RAB32: variants seen among roughly 807,000 people sequenced by gnomAD.
RAB32 encodes the protein ras-related protein Rab-32.
A neutral mutation model predicts 17.5 loss-of-function variants in RAB32; 17 were observed. The observed-to-expected ratio is 0.97, with a 90% CI of 0.67 to 1.46. RAB32 has a LOEUF of 1.46. Ranked by LOEUF, RAB32 falls within the 40% of genes most tolerant of loss-of-function variation. The pLI, the probability that RAB32 is intolerant of heterozygous loss-of-function variation, is 0.00. For synonymous variants in RAB32, 115 were observed against 111.1 expected (o/e 1.04, Z -0.22); for missense variants, 288 against 284.3 (o/e 1.01, Z -0.09).
At position 146,554,682 on chromosome 6, in the gene RAB32, G is replaced by T; in HGVS notation, c.*77G>T. The T allele has an allele frequency of 1.3e-6, 2 of 1,482,478 alleles. No individual in the cohort carries two copies. Among genetic ancestry groups the T allele is most frequent in the Admixed American group, 4.6e-5 (2 of 43,686 alleles). The allele number at this position is 1,482,478 out of a possible 1,614,324, so 91.8% of individuals were successfully genotyped here. On this transcript the variant is annotated 3_prime_UTR_variant, in exon 3 of 3. Transcript: ENST00000367495. ...AGAATGGGTTACAGATGTCATGTTA[G>T]CTGGGAGTCTTCCCACATGTGGCAC...
chr6:146,551,082 T>C (rs1474591018), intron 2 of RAB32, among the ~76,000 whole-genome samples: 3 of 152,058 alleles, frequency 2.0e-5, no homozygotes, highest in African/African-American at 7.2e-5. Flanking sequence ...AATGAGAGAC[T>C]GCACAAAAGG....
intron 2 of RAB32, among the ~76,000 whole-genome samples, chr6:146,553,362 A>G (rs906388254): frequency 9.9e-5 from 15 of 152,216 alleles, no homozygotes; most frequent in African/African-American, 3.6e-4. Flanking sequence ...GAAACATGGC[A>G]AAAACAACTT....
At position 146,546,782 on chromosome 6, in the gene RAB32, GT is replaced by G. The variant is rs962778741; in HGVS notation, c.251-2660del. 7.7e-3 allele frequency among the ~76,000 whole-genome samples: 916 copies of G among 118,466 alleles called. 7 individuals are homozygous for G. The highest frequency in any genetic ancestry group is 0.027 in the Middle Eastern group (6 of 222). The allele number at this position is 118,466 out of a possible 152,430, so 77.7% of individuals were successfully genotyped here. ...AAGGTGTGGTGTTTTTACTAGTTAG[GT>G]TTTTTTTTTTTTTTTTTTTTTGGTT... is the stretch of plus-strand genomic sequence containing the variant. On this transcript the variant is annotated intron_variant, in intron 1 of 2. Coordinates refer to ENST00000367495, the MANE Select transcript of RAB32 (RefSeq NM_006834.5).
rs1305510859 is a variant in RAB32 at position 146,550,728 on chromosome 6, G to T, written c.528+987G>T. On this transcript the variant is annotated intron_variant, in intron 2 of 2. Transcript: ENST00000367495. ...ATTATACATATATAAAATGTTTGGGGGGGGGGTTACGTGCATTGGAACTTT... is the reference window on the plus strand; with the variant it reads ...ATTATACATATATAAAATGTTTGGGTGGGGGGTTACGTGCATTGGAACTTT... Among the ~76,000 whole-genome samples the T allele has an allele frequency of 1.3e-5, 2 of 149,150 alleles. 1 individual carries two copies. The highest frequency in any genetic ancestry group is 5.0e-5 in the African/African-American group (2 of 40,240).
At position 146,544,032 on chromosome 6, in the gene RAB32, A is replaced by G. The variant is rs1437995748; in HGVS notation, c.161A>G (p.Tyr54Cys). Residue 54 changes from tyrosine to cysteine, a missense_variant, in exon 1 of 3, where the codon TAC becomes TGC. Transcript: ENST00000367495. ...GTCCACCAGCTCTTCTCCCAGCACTACCGGGCCACCATCGGGGTGGACTTC... is the reference window on the plus strand; with the variant it reads ...GTCCACCAGCTCTTCTCCCAGCACTGCCGGGCCACCATCGGGGTGGACTTC... ...RYVHQLFSQH[Y>C]RATIGVDFAL... 9 of 1,613,654 alleles carry G rather than the reference A, an allele frequency of 5.6e-6. No homozygotes were observed. The highest frequency in any genetic ancestry group is 1.1e-5 in the South Asian group (1 of 91,080).
chr6:146,544,201 C>G lies in RAB32; in HGVS notation c.250+80C>G, dbSNP rs999464716. 19 of 1,467,566 alleles carry G rather than the reference C, an allele frequency of 1.3e-5. No individual in the cohort carries two copies. The Admixed American group carries it at 4.4e-4, about 34-fold the overall frequency. 90.9% of individuals were successfully genotyped at this position (1,467,566 alleles called of 1,614,324 possible). A position where few individuals can be genotyped will look rare whatever the true frequency, so the allele number is the denominator to read the frequency against. ...TCTCTGCTTCTTTTCTTTTTCTTTTCTGCCTGAACTCGTCTGCCTGGGTAC... is the reference window on the plus strand; with the variant it reads ...TCTCTGCTTCTTTTCTTTTTCTTTTGTGCCTGAACTCGTCTGCCTGGGTAC... On this transcript the variant is annotated intron_variant, in intron 1 of 2. Transcript: ENST00000367495.
chr6:146,553,249 G>A (rs1334244021), intron 2 of RAB32, among the ~76,000 whole-genome samples: 2 of 152,082 alleles, frequency 1.3e-5, no homozygotes, highest in Non-Finnish European at 1.5e-5. Flanking sequence ...TTGTAGGGAG[G>A]AATTAATTGA....
chr6:146,552,757 TTC>T (rs778071552), intron 2 of RAB32, among the ~76,000 whole-genome samples: 170 of 152,300 alleles, frequency 1.1e-3, no homozygotes, highest in Non-Finnish European at 1.7e-3. Flanking sequence ...TTAAATATCA[TTC>T]TCCAGTAAAA....
chr6:146,553,308 A>C (rs1241465932), intron 2 of RAB32, among the ~76,000 whole-genome samples: 1 of 152,192 alleles, frequency 6.6e-6, no homozygotes, highest in African/African-American at 2.4e-5. Context: ...ATATTTACAT[A>C]TTTGCACTAA....
In RAB32 at chr6:146,543,877, G is replaced by A. The variant is rs1779783038; in HGVS notation, c.6G>A (p.Ala2=). 2 of 1,463,844 alleles carry A rather than the reference G, an allele frequency of 1.4e-6. No individual in the cohort carries two copies. The highest frequency in any genetic ancestry group is 1.8e-6 in the Non-Finnish European group (2 of 1,110,418). The allele number at this position is 1,463,844 out of a possible 1,614,324, so 90.7% of individuals were successfully genotyped here. A position where few individuals can be genotyped will look rare whatever the true frequency, so the allele number is the denominator to read the frequency against. ...GCCCGACAGCCGCAGCGCTCATGGC[G>A]GGCGGAGGAGCCGGGGACCCCGGCC... The part of the protein sequence containing the change: M[A]GGGAGDPGLG... The change falls in exon 1 of 3, where the codon GCG becomes GCA. Residue 2 remains alanine (A), a synonymous_variant. Coordinates refer to ENST00000367495, the MANE Select transcript of RAB32 (RefSeq NM_006834.5).
chr6:146,549,402 T>TAA, intron 1 of RAB32, 62 bp from the exon 2 acceptor site: 1 of 1,403,982 alleles, frequency 7.1e-7, no homozygotes, highest in South Asian at 1.3e-5. Context: ...AAAGGGGTTA[T>TAA]ACCTAAATGT....
intron 2 of RAB32, among the ~76,000 whole-genome samples, chr6:146,550,720 T>G: frequency 8.5e-6 from 1 of 117,044 alleles, no homozygotes; most frequent in Admixed American, 8.4e-5. Flanking sequence ...ATATATAAAA[T>G]GTTTGGGGGG....
intron 2 of RAB32, among the ~76,000 whole-genome samples, chr6:146,550,696 G>A (rs1332271151): frequency 7.1e-6 from 1 of 141,406 alleles, no homozygotes; most frequent in Non-Finnish European, 1.5e-5. Flanking sequence ...ATAGAAAAAA[G>A]GTGAAAATTA....
rs755688643 is a variant in RAB32, at chr6:146,549,663, C to A, written c.450C>A (p.Asp150Glu). ...LLANKCDQNK[D>E]SSQSPSQVDQ... ...CTAACAAATGTGACCAGAACAAGGACAGTAGCCAGAGTCCTTCCCAGGTGG... is the reference window on the plus strand; with the variant it reads ...CTAACAAATGTGACCAGAACAAGGAAAGTAGCCAGAGTCCTTCCCAGGTGG... Residue 150 changes from aspartate to glutamate, a missense_variant, in exon 2 of 3, where the codon GAC (aspartate) becomes GAA (glutamate). Transcript: ENST00000367495. 6.2e-7 allele frequency: 1 copy of A among 1,614,172 alleles called. No individual in the cohort carries two copies. Among genetic ancestry groups the A allele is most frequent in the Non-Finnish European group, 8.5e-7 (1 of 1,180,004 alleles).
At chr6:146,553,659 G>A (rs151317764) in intron 2 of RAB32, among the ~76,000 whole-genome samples, 9 of 152,202 alleles carry the variant, frequency 5.9e-5, no homozygotes, top group South Asian at 2.1e-4. Flanking sequence ...AAGCTTTTTA[G>A]GCTAGCACTG....
At chr6:146,551,806 C>T (rs1053163915) in intron 2 of RAB32, among the ~76,000 whole-genome samples, 4 of 152,104 alleles carry the variant, frequency 2.6e-5, no homozygotes, top group Admixed American at 2.0e-4. Context: ...TAGGATTACA[C>T]GCAGAGGTGA....
chr6:146,548,693 G>A (rs1191039122), intron 1 of RAB32, among the ~76,000 whole-genome samples: 2 of 152,174 alleles, frequency 1.3e-5, no homozygotes, highest in East Asian at 3.9e-4. Flanking sequence ...TGTTACATCT[G>A]TCAGATGAAA....
chr6:146,545,820 T>C (rs1779812520), intron 1 of RAB32, among the ~76,000 whole-genome samples: 1 of 152,228 alleles, frequency 6.6e-6, no homozygotes, highest in Non-Finnish European at 1.5e-5. Context: ...TGCCTTACCA[T>C]GTGACGGTCA....
At position 146,543,884 on chromosome 6, in the gene RAB32, G is replaced by A. The variant is rs1470352471; in HGVS notation, c.13G>A (p.Gly5Arg). The A allele has an allele frequency of 6.8e-7, 1 of 1,477,482 alleles. No individual in the cohort carries two copies. The highest frequency in any genetic ancestry group is 1.4e-5 in the South Asian group (1 of 73,756). 91.5% of individuals were successfully genotyped at this position (1,477,482 alleles called of 1,614,324 possible). The change falls in exon 1 of 3, where the codon GGA becomes AGA. Residue 5 changes from glycine (G) to arginine (R), a missense_variant. Coordinates refer to ENST00000367495, the MANE Select transcript of RAB32 (RefSeq NM_006834.5). ...AGCCGCAGCGCTCATGGCGGGCGGA[G>A]GAGCCGGGGACCCCGGCCTGGGGGC... MAGG[G>R]AGDPGLGAAA...
Sources: allele counts gnomAD v4.1 joint callset (sites outside exome capture counted in the v4.1 genomes callset), GRCh38; gene constraint gnomAD v4.1.1; transcripts MANE v1.5; gene names NCBI Gene and HGNC (gene_info 2026-07-23, HGNC 2026-07-21).